Variants in PPWD1 observed in about 807,000 individuals in gnomAD.
PPWD1 encodes peptidylprolyl isomerase domain and WD repeat-containing protein 1.
In PPWD1, 43 loss-of-function variants were observed where a neutral mutation model predicts 68.8. That is an observed-to-expected ratio of 0.62 (90% CI 0.49 to 0.81). The LOEUF is 0.81. PPWD1 is among the 30% of genes least tolerant of loss of function. PPWD1 has a pLI of 0.00. For synonymous variants in PPWD1, 232 were observed against 258.7 expected, an observed-to-expected ratio of 0.90 and a Z score of 0.99; for missense variants, 672 against 804.8, an observed-to-expected ratio of 0.83 and a Z score of 2.00.
At chr5:65,578,775 T>TACAC (rs1447462688) in intron 6 of PPWD1, among the ~76,000 whole-genome samples, 1 of 57,922 alleles carries the variant, frequency 1.7e-5, no homozygotes, top group East Asian at 2.7e-4. Flanking sequence ...TATATATACA[T>TACAC]ATATATGTGT....
chr5:65,575,721 T>C (rs770855811), intron 5 of PPWD1, among the ~76,000 whole-genome samples: 6 of 152,218 alleles, frequency 3.9e-5, no homozygotes, highest in Non-Finnish European at 7.3e-5. Context: ...ATCTTGAAAT[T>C]TGTGTAATAT....
At chr5:65,576,698 G>A (rs1255464156) in intron 5 of PPWD1, 181 bp from the exon 6 acceptor site, 1 of 853,572 alleles carries the variant, frequency 1.2e-6, no homozygotes, top group African/African-American at 1.8e-5. Context: ...TTTAGTGATT[G>A]GACTTACTAA....
intron 1 of PPWD1, among the ~76,000 whole-genome samples, chr5:65,565,292 C>T (rs572359089): frequency 6.6e-6 from 1 of 152,124 alleles, no homozygotes; most frequent in Non-Finnish European, 1.5e-5. Context: ...CATATTAAAG[C>T]TTTTATGCTG....
intron 7 of PPWD1, among the ~76,000 whole-genome samples, chr5:65,581,282 T>A (rs1753583639): frequency 6.6e-6 from 1 of 152,166 alleles, no homozygotes; most frequent in Non-Finnish European, 1.5e-5. Flanking sequence ...GAAGTAAAAA[T>A]TACCCATAAA....
At chr5:65,571,659 A>AG in intron 4 of PPWD1, 180 bp from the exon 5 acceptor site, 2 of 704,966 alleles carry the variant, frequency 2.8e-6, no homozygotes, top group South Asian at 1.3e-4. Context: ...GGTCAGAAAG[A>AG]GAAAAAATAA....
At chr5:65,567,858 T>C in intron 2 of PPWD1, 1 of 642,284 alleles carries the variant, frequency 1.6e-6, no homozygotes, top group Non-Finnish European at 2.1e-6. Flanking sequence ...GTGAACCAGG[T>C]AGTGTCTGAG....
rs1753310590 is a variant in PPWD1, at chr5:65,576,831, T to C, written c.970-48T>C. The C allele has an allele frequency of 1.9e-6, 3 of 1,574,576 alleles. No homozygotes were observed. In the South Asian group the frequency reaches 3.5e-5, roughly 18 times the overall value. Reference sequence around the variant, plus strand: ...ATAGATAGATGGGTTGATATAGATATAGGTATATGTATATAGAGTTTTTGT... The same window carrying C: ...ATAGATAGATGGGTTGATATAGATACAGGTATATGTATATAGAGTTTTTGT... On this transcript the variant is annotated intron_variant, in intron 5 of 10. Transcript: ENST00000261308.
chr5:65,578,441 G>A (rs201768677), intron 6 of PPWD1, among the ~76,000 whole-genome samples: 1 of 152,154 alleles, frequency 6.6e-6, no homozygotes, highest in East Asian at 1.9e-4. Flanking sequence ...TACTCTTTTT[G>A]CATTCCCACC....
At chr5:65,567,801 C>A in intron 2 of PPWD1, 186 bp downstream of exon 2, 1 of 1,111,464 alleles carries the variant, frequency 9.0e-7, no homozygotes, top group Admixed American at 3.5e-5. Flanking sequence ...TAAGATAGAA[C>A]CCCTGAGTTT....
intron 8 of PPWD1, chr5:65,583,420 A>G (rs922068374): frequency 1.4e-5 from 6 of 430,810 alleles, no homozygotes; most frequent in South Asian, 6.1e-5. Context: ...TATACTTTAT[A>G]GGTTCATTAC....
At chr5:65,580,451 A>G (rs933614394) in intron 7 of PPWD1, among the ~76,000 whole-genome samples, 3 of 152,128 alleles carry the variant, frequency 2.0e-5, no homozygotes, top group Non-Finnish European at 4.4e-5. Flanking sequence ...TGCACAGGCT[A>G]TTCATTCTAC....
chr5:65,574,123 C>T (rs774187778), intron 5 of PPWD1, among the ~76,000 whole-genome samples: 1 of 152,170 alleles, frequency 6.6e-6, no homozygotes, highest in South Asian at 2.1e-4. Flanking sequence ...TCTGTCAACT[C>T]TTTCTAGTGG....
intron 8 of PPWD1, 130 bp from the exon 9 acceptor site, chr5:65,584,884 A>AG (rs1271566628): frequency 1.5e-6 from 2 of 1,379,004 alleles, no homozygotes; most frequent in Non-Finnish European, 1.9e-6. Flanking sequence ...TTATGAAAAA[A>AG]AAAAACAACT....
At chr5:65,584,208 G>C (rs960016040) in intron 8 of PPWD1, among the ~76,000 whole-genome samples, 5 of 151,974 alleles carry the variant, frequency 3.3e-5, no homozygotes, top group African/African-American at 1.2e-4. Flanking sequence ...CTAGACTCTT[G>C]GACAGTCTCA....
intron 3 of PPWD1, 42 bp downstream of exon 3, chr5:65,569,774 T>G: frequency 1.3e-6 from 2 of 1,571,076 alleles, no homozygotes; most frequent in South Asian, 1.2e-5. Context: ...TTTCCTAAAC[T>G]ATACTAATTA....
At chr5:65,563,885 T>C in intron 1 of PPWD1, 3 of 1,438,208 alleles carry the variant, frequency 2.1e-6, no homozygotes, top group Non-Finnish European at 2.8e-6. Context: ...AGTTCAGGAG[T>C]GGTGTTAATG....
chr5:65,569,092 AGT>A, intron 2 of PPWD1: 1 of 449,120 alleles, frequency 2.2e-6, no homozygotes, highest in South Asian at 1.6e-5. Context: ...ATATGTACAA[AGT>A]ACCTGACATA....
chr5:65,581,026 T>C (rs1161319682), intron 7 of PPWD1, among the ~76,000 whole-genome samples: 3 of 152,206 alleles, frequency 2.0e-5, no homozygotes. Flanking sequence ...AGGAAATGAC[T>C]ACAGCATTAC....
intron 8 of PPWD1, 50 bp downstream of exon 8, chr5:65,583,269 G>C (rs1435777742): frequency 1.5e-6 from 2 of 1,373,438 alleles, no homozygotes; most frequent in Non-Finnish European, 1.9e-6. Flanking sequence ...GAATGTAAAT[G>C]TGTATATCTG....
Sources: gnomAD v4.1 joint callset for allele counts (sites outside exome capture counted in the v4.1 genomes callset) on GRCh38, gnomAD v4.1.1 for gene constraint, MANE v1.5 for transcripts, NCBI Gene and HGNC (gene_info 2026-07-23, HGNC 2026-07-21) for gene names.